The following NF1 variants were observed in gnomAD, a reference collection of about 807,000 sequenced individuals.
NF1 encodes neurofibromin 1.
NF1 carries 122 observed loss-of-function variants against 325.7 expected under a neutral mutation model. That is an observed-to-expected ratio of 0.37 (90% CI 0.32 to 0.44). The LOEUF is 0.44. NF1 is among the 20% of genes least tolerant of loss of function. NF1 has a pLI of 1.00. For missense variants in NF1, 2,140 were observed against 3,415.4 expected (o/e 0.63, Z 9.31); for synonymous variants, 1,091 against 1,186.0 (o/e 0.92, Z 1.65).
chr17:31,291,950 A>G (rs1469567809), intron 36 of NF1, among the ~76,000 whole-genome samples: 1 of 152,232 alleles, frequency 6.6e-6, no homozygotes, highest in Non-Finnish European at 1.5e-5. Context: ...TTGGACATAC[A>G]GATGTGATAA....
intron 36 of NF1, among the ~76,000 whole-genome samples, chr17:31,312,202 G>A (rs2068893066): frequency 6.6e-6 from 1 of 151,690 alleles, no homozygotes; most frequent in Admixed American, 6.6e-5. Flanking sequence ...TTAGATTTGG[G>A]ACTAACCCTT....
chr17:31,263,850 G>A (rs2067737431), intron 35 of NF1, among the ~76,000 whole-genome samples: 1 of 151,848 alleles, frequency 6.6e-6, no homozygotes, highest in Non-Finnish European at 1.5e-5. Flanking sequence ...GAAATCTAAA[G>A]AAAGTTAAAA....
At chr17:31,177,981 A>G (rs1321859900) in intron 5 of NF1, among the ~76,000 whole-genome samples, 1 of 152,190 alleles carries the variant, frequency 6.6e-6, no homozygotes, top group Non-Finnish European at 1.5e-5. Flanking sequence ...CAACCTAGCA[A>G]GGCAGGCCAA....
chr17:31,230,532 A>G (rs1335175192), intron 23 of NF1, 150 bp downstream of exon 23: 6 of 998,686 alleles, frequency 6.0e-6, no homozygotes, highest in East Asian at 2.6e-5. Context: ...TCTCTTCTCA[A>G]ATTTCCCTAA....
intron 5 of NF1, among the ~76,000 whole-genome samples, chr17:31,177,213 A>G (rs2066040079): frequency 6.6e-6 from 1 of 152,136 alleles, no homozygotes; most frequent in African/African-American, 2.4e-5. Context: ...CAAAGCTTCC[A>G]GAGGTAGGAA....
chr17:31,131,917 T>A (rs1180188984), intron 1 of NF1, among the ~76,000 whole-genome samples: 1 of 152,100 alleles, frequency 6.6e-6, no homozygotes, highest in African/African-American at 2.4e-5. Flanking sequence ...CATGTTTTTT[T>A]TTCTGTTTGT....
At chr17:31,293,192 A>AAAAAAAAAAAAAAAAAAAAAAAAG in intron 36 of NF1, among the ~76,000 whole-genome samples, 1 of 119,536 alleles carries the variant, frequency 8.4e-6, no homozygotes, top group Non-Finnish European at 1.5e-5. Context: ...AAAAAAAAAA[A>AAAAAAAAAAAAAAAAAAAAAAAAG]AAAAAAAAAA....
At chr17:31,291,262 A>G (rs548526773) in intron 36 of NF1, among the ~76,000 whole-genome samples, 38 of 152,276 alleles carry the variant, frequency 2.5e-4, no homozygotes, top group African/African-American at 8.9e-4. Context: ...TGAGTGAAAG[A>G]ATGAATGAAT....
Position 31,295,081 on chromosome 17 carries a change from A to C in NF1, c.4835+29742A>C, listed in dbSNP as rs747451047. On this transcript the variant is annotated intron_variant, in intron 36 of 57. Coordinates refer to ENST00000358273, the MANE Select transcript of NF1 (RefSeq NM_001042492.3). ...CATTTACTTTCCAAGCATTTGCCAC[A>C]GAAGGTAATGGAGTCTTTACATTTG... is the stretch of plus-strand genomic sequence containing the variant. 15 of 1,614,060 alleles carry C rather than the reference A, an allele frequency of 9.3e-6. No individual in the cohort carries two copies. The African/African-American group carries it at 1.1e-4, about 11-fold the overall frequency.
chr17:31,209,002 A>G (rs1222317451), intron 12 of NF1, among the ~76,000 whole-genome samples: 2 of 152,304 alleles, frequency 1.3e-5, no homozygotes, highest in Non-Finnish European at 2.9e-5. Flanking sequence ...AGAGTTTCCT[A>G]CTGTTGGCAC....
intron 29 of NF1, among the ~76,000 whole-genome samples, chr17:31,248,200 C>A (rs1263537557): frequency 8.2e-6 from 1 of 122,102 alleles, no homozygotes; most frequent in South Asian, 2.6e-4. Flanking sequence ...GAAACTCCAT[C>A]CCCCGCCCCC....
In NF1 at chr17:31,233,237, A is replaced by T. The variant is rs780520318; in HGVS notation, c.3708+24A>T. On this transcript the variant is annotated intron_variant, in intron 27 of 57. Transcript: ENST00000358273. ...GGGTAAGTGATTAGAGTAAGCGGGG[A>T]AGAAAAGTGCCTGGCACATAGCAAA... is the stretch of plus-strand genomic sequence containing the variant. The T allele has an allele frequency of 3.1e-6, 5 of 1,589,930 alleles. No individual in the cohort carries two copies. In the South Asian group the frequency reaches 5.5e-5, roughly 18 times the overall value.
chr17:31,156,005 A>C lies in NF1; in HGVS notation c.83A>C (p.Gln28Pro), dbSNP rs587782686. ...CAGCTTCCAATAAAAACAGGACAGC[A>C]GAACACACATACCAAAGTCAGTACT... is the stretch of plus-strand genomic sequence containing the variant. ...DEQLPIKTGQQNTHTKVSTEH... is the reference protein window; with the variant it reads ...DEQLPIKTGQPNTHTKVSTEH... The change falls in exon 2 of 58, where the codon CAG (glutamine) becomes CCG (proline). Residue 28 changes from glutamine to proline, a missense_variant. Gln to Pro is a moderately conservative substitution (Grantham distance 76). Transcript: ENST00000358273. The C allele has an allele frequency of 2.0e-5, 33 of 1,613,436 alleles. No individual in the cohort carries two copies. Among genetic ancestry groups the C allele is most frequent in the Non-Finnish European group, 2.6e-5 (31 of 1,179,814 alleles).
intron 36 of NF1, among the ~76,000 whole-genome samples, chr17:31,280,516 C>CA (rs57193583): frequency 0.014 from 1,129 of 78,514 alleles, 22 homozygotes; most frequent in Non-Finnish European, 0.021. Context: ...GACTCTGTCT[C>CA]AAAAAAAAAA....
At chr17:31,303,396 A>G (rs528237017) in intron 36 of NF1, among the ~76,000 whole-genome samples, 36 of 152,330 alleles carry the variant, frequency 2.4e-4, no homozygotes, top group South Asian at 4.1e-4. Context: ...AATTCTGTGT[A>G]AGAAAGGTGA....
At chr17:31,174,494 A>G (rs907903639) in intron 5 of NF1, among the ~76,000 whole-genome samples, 1 of 152,176 alleles carries the variant, frequency 6.6e-6, no homozygotes, top group Non-Finnish European at 1.5e-5. Flanking sequence ...ATGTGGGAAA[A>G]GATGTTGATA....
chr17:31,263,339 C>G (rs1233412481), intron 35 of NF1, among the ~76,000 whole-genome samples: 7 of 151,958 alleles, frequency 4.6e-5, no homozygotes, highest in African/African-American at 1.7e-4. Flanking sequence ...ACCTGGGAGG[C>G]TGAGGTGGGA....
At position 31,336,623 on chromosome 17, in the gene NF1, G is replaced by C. The variant is rs562331001; in HGVS notation, c.6148-12G>C. The C allele has an allele frequency of 1.3e-6, 2 of 1,581,188 alleles. No homozygotes were observed. Among genetic ancestry groups the C allele is most frequent in the Non-Finnish European group, 1.7e-6 (2 of 1,165,290 alleles). On this transcript the variant is annotated splice_polypyrimidine_tract_variant and intron_variant, in intron 41 of 57. Transcript: ENST00000358273. This position sits in a 1 kb window ranked among gnomAD's most constrained non-coding sequence, Gnocchi z 5.5. ...TTTTTTTTTTAAAAAAAAAAATCCT[G>C]CTTCTTTACAGGTTATTGGAAGGAT...
At position 31,186,257 on chromosome 17, in the gene NF1, A is replaced by T. The variant is rs143490815; in HGVS notation, c.888+3592A>T. ...TCCCCACCTATACTGATAGCCTCAT[A>T]GGGAGTTCCCTATGATCAGTTGGCA... On this transcript the variant is annotated intron_variant, in intron 8 of 57. Coordinates refer to ENST00000358273, the MANE Select transcript of NF1 (RefSeq NM_001042492.3). 2.2e-3 allele frequency among the ~76,000 whole-genome samples: 330 copies of T among 152,222 alleles called. 1 individual carries two copies. Among genetic ancestry groups the T allele is most frequent in the African/African-American group, 7.5e-3 (311 of 41,530 alleles).
Sources: allele counts gnomAD v4.1 joint callset (sites outside exome capture counted in the v4.1 genomes callset), GRCh38; gene constraint gnomAD v4.1.1; non-coding constraint Gnocchi (gnomAD v3.1); transcripts MANE v1.5; gene names NCBI Gene and HGNC (gene_info 2026-07-23, HGNC 2026-07-21).